The following ARID4A variants were observed in gnomAD, a reference collection of about 807,000 sequenced individuals.
The protein encoded by ARID4A is AT-rich interactive domain-containing protein 4A.
A neutral mutation model predicts 148.6 loss-of-function variants in ARID4A; 39 were observed. The observed-to-expected ratio is 0.26, with a 90% CI of 0.20 to 0.34. The LOEUF is 0.34. Among genes scored for constraint, ARID4A ranks in the 10% least tolerant of loss-of-function variants. ARID4A has a pLI of 1.00. For synonymous variants in ARID4A, 475 were observed against 481.2 expected, an observed-to-expected ratio of 0.99 and a Z score of 0.17; for missense variants, 1,265 against 1,449.1, an observed-to-expected ratio of 0.87 and a Z score of 2.06.
At chr14:58,308,927 G>A (rs1420588971) in intron 5 of ARID4A, among the ~76,000 whole-genome samples, 3 of 152,250 alleles carry the variant, frequency 2.0e-5, no homozygotes, top group African/African-American at 7.2e-5. Flanking sequence ...GGATCAAATA[G>A]GAGTTATGAT....
At chr14:58,342,718 G>C (rs2034172439) in intron 11 of ARID4A, among the ~76,000 whole-genome samples, 1 of 152,170 alleles carries the variant, frequency 6.6e-6, no homozygotes, top group Non-Finnish European at 1.5e-5. Flanking sequence ...TTCGAGACCA[G>C]CCTAGCCAAT....
At chr14:58,317,433 C>T (rs919735350) in intron 5 of ARID4A, among the ~76,000 whole-genome samples, 26 of 148,462 alleles carry the variant, frequency 1.8e-4, no homozygotes, top group African/African-American at 3.7e-4. Context: ...TACAGGCGCC[C>T]GCCACCACGT....
At chr14:58,345,688 AT>A (rs2034323934) in intron 12 of ARID4A, among the ~76,000 whole-genome samples, 1 of 102,228 alleles carries the variant, frequency 9.8e-6, no homozygotes, top group African/African-American at 4.2e-5. Context: ...TATAAATCTT[AT>A]CTTTTCTGTT....
chr14:58,318,995 TCTTA>T (rs1289665462), intron 7 of ARID4A, among the ~76,000 whole-genome samples, 190 bp downstream of exon 7: 1 of 152,244 alleles, frequency 6.6e-6, no homozygotes, highest in African/African-American at 2.4e-5. Context: ...TGATAACAAC[TCTTA>T]CTTCTAATAG....
intron 17 of ARID4A, among the ~76,000 whole-genome samples, chr14:58,355,761 G>A (rs557182746): frequency 5.3e-5 from 8 of 152,230 alleles, no homozygotes; most frequent in Non-Finnish European, 1.2e-4. Flanking sequence ...TCACATGATA[G>A]CCTTCTTTCT....
chr14:58,311,828 GC>G (rs1331273894), intron 5 of ARID4A, among the ~76,000 whole-genome samples: 1 of 147,986 alleles, frequency 6.8e-6, no homozygotes, highest in Non-Finnish European at 1.5e-5. Context: ...AGTGAAATAA[GC>G]CAGGCACAGG....
chr14:58,370,891 A>G (rs2035581065), intron 23 of ARID4A, among the ~76,000 whole-genome samples: 1 of 152,222 alleles, frequency 6.6e-6, no homozygotes, highest in Non-Finnish European at 1.5e-5. Flanking sequence ...GATTATAGGC[A>G]TGAGCCAACA....
intron 5 of ARID4A, among the ~76,000 whole-genome samples, chr14:58,314,858 C>A (rs1379392474): frequency 6.6e-6 from 1 of 152,176 alleles, no homozygotes; most frequent in African/African-American, 2.4e-5. Flanking sequence ...GTGGCTCACA[C>A]CTGTAATCCC....
chr14:58,315,778 A>C (rs1204172411), intron 5 of ARID4A, among the ~76,000 whole-genome samples: 1 of 152,252 alleles, frequency 6.6e-6, no homozygotes, highest in Non-Finnish European at 1.5e-5. Flanking sequence ...ACTCAAGTGC[A>C]GATCAGTGAT....
intron 5 of ARID4A, among the ~76,000 whole-genome samples, chr14:58,306,558 T>C (rs2031616938): frequency 6.6e-6 from 1 of 152,200 alleles, no homozygotes; most frequent in African/African-American, 2.4e-5. Context: ...GTTTTTGATT[T>C]TTGATACAGT....
rs556761335 is a variant in ARID4A at position 58,372,776 on chromosome 14, A to G, written c.*787A>G. ...TTACAAAAAGACAAAAATGAAATAT[A>G]TAACAACAATGAAGTTATTTAACAA... On this transcript the variant is annotated 3_prime_UTR_variant, in exon 24 of 24. Transcript: ENST00000355431. The G allele has an allele frequency of 5.5e-6, 1 of 181,702 alleles. No individual in the cohort carries two copies. The highest frequency in any genetic ancestry group is 1.2e-5 in the Non-Finnish European group (1 of 84,988). 11.3% of individuals were successfully genotyped at this position (181,702 alleles called of 1,614,324 possible). A position where few individuals can be genotyped will look rare whatever the true frequency, so the allele number is the denominator to read the frequency against.
At chr14:58,327,228 G>T (rs2033265283) in intron 8 of ARID4A, among the ~76,000 whole-genome samples, 1 of 152,126 alleles carries the variant, frequency 6.6e-6, no homozygotes, top group Non-Finnish European at 1.5e-5. Flanking sequence ...TACTGTATAG[G>T]GCAGTGCAGA....
intron 23 of ARID4A, among the ~76,000 whole-genome samples, chr14:58,368,379 T>A (rs924027259): frequency 1.3e-5 from 2 of 152,142 alleles, no homozygotes; most frequent in African/African-American, 4.8e-5. Context: ...GAAACAAAAA[T>A]CAAGATCCTT....
At chr14:58,335,001 C>T (rs1394939036) in intron 11 of ARID4A, among the ~76,000 whole-genome samples, 1 of 152,130 alleles carries the variant, frequency 6.6e-6, no homozygotes, top group Non-Finnish European at 1.5e-5. Context: ...CATGACCTCC[C>T]CTTTACTCTT....
intron 18 of ARID4A, among the ~76,000 whole-genome samples, chr14:58,360,218 G>T (rs921039358): frequency 6.6e-6 from 1 of 152,138 alleles, no homozygotes; most frequent in Non-Finnish European, 1.5e-5. Flanking sequence ...AATTCCTGTA[G>T]AGGCTTTATA....
chr14:58,306,533 G>A (rs2031614529), intron 5 of ARID4A, among the ~76,000 whole-genome samples: 2 of 152,164 alleles, frequency 1.3e-5, no homozygotes, highest in African/African-American at 4.8e-5. Flanking sequence ...TCAAGAATAG[G>A]TGATTGTTAA....
intron 15 of ARID4A, among the ~76,000 whole-genome samples, chr14:58,349,172 A>T (rs76379029): frequency 0.014 from 2,061 of 152,292 alleles, 95 homozygotes; most frequent in South Asian, 0.11. Flanking sequence ...GTTGTAGCAC[A>T]TATCAGAATT....
chr14:58,302,222 G>A (rs778644193), intron 3 of ARID4A, among the ~76,000 whole-genome samples: 7 of 151,760 alleles, frequency 4.6e-5, no homozygotes, highest in East Asian at 3.9e-4. Context: ...GACCCGGCGC[G>A]GTGACTCACG....
Position 58,330,048 on chromosome 14 carries a change from A to G in ARID4A, c.785A>G (p.Asp262Gly). ...TTCTTAAAAACTAGAGTTGTTCCTGATAATTGGAAAATGGATATAAGTGAA... is the reference window on the plus strand; with the variant it reads ...TTCTTAAAAACTAGAGTTGTTCCTGGTAATTGGAAAATGGATATAAGTGAA... ...SIFLKTRVVPDNWKMDISEIL... is the reference protein window; with the variant it reads ...SIFLKTRVVPGNWKMDISEIL... The change falls in exon 11 of 24, where the codon GAT (aspartate) becomes GGT (glycine). Residue 262 changes from aspartate (D) to glycine (G), a missense_variant. Around this residue, in one of 9 missense-constraint regions of ARID4A, gnomAD observed 249 missense variants for 277.2 expected, o/e 0.90. Coordinates refer to ENST00000355431, the MANE Select transcript of ARID4A (RefSeq NM_002892.4). 6.2e-7 allele frequency: 1 copy of G among 1,612,496 alleles called. No individual in the cohort carries two copies.
Sources: allele counts gnomAD v4.1 joint callset (sites outside exome capture counted in the v4.1 genomes callset), GRCh38; gene constraint gnomAD v4.1.1; regional missense constraint gnomAD v4.1.1; transcripts MANE v1.5; gene names NCBI Gene and HGNC (gene_info 2026-07-23, HGNC 2026-07-21).